The following PHACTR1 variants were observed in gnomAD, a reference collection of about 807,000 sequenced individuals.
PHACTR1 encodes the protein phosphatase and actin regulator 1, also known as RPEL repeat containing 1.
In PHACTR1, 16 loss-of-function variants were observed where a neutral mutation model predicts 69.2. The observed-to-expected ratio is 0.23, with a 90% CI of 0.16 to 0.35. PHACTR1 has a LOEUF of 0.35. PHACTR1 is among the 10% of genes least tolerant of loss of function. The pLI, the probability that PHACTR1 is intolerant of heterozygous loss-of-function variation, is 1.00. For synonymous variants in PHACTR1, 312 were observed against 284.5 expected (o/e 1.10, Z -0.97); for missense variants, 510 against 734.7 (o/e 0.69, Z 3.54).
intron 5 of PHACTR1, among the ~76,000 whole-genome samples, chr6:13,126,331 G>A (rs1261336538): frequency 1.3e-5 from 2 of 152,116 alleles, no homozygotes; most frequent in East Asian, 3.9e-4. Flanking sequence ...AGGAAAGGAA[G>A]GAAGAAAGAA....
intron 5 of PHACTR1, among the ~76,000 whole-genome samples, chr6:13,105,778 G>A (rs1203008972): frequency 3.3e-5 from 5 of 152,226 alleles, no homozygotes; most frequent in East Asian, 1.9e-4. Flanking sequence ...TAAGTAGAGA[G>A]TTTATTTGGG....
intron 4 of PHACTR1, among the ~76,000 whole-genome samples, chr6:12,869,928 T>C (rs1325155490): frequency 6.6e-6 from 1 of 152,208 alleles, no homozygotes; most frequent in Non-Finnish European, 1.5e-5. Context: ...TCAGGCATTG[T>C]CCCTGGTCCT....
chr6:13,065,923 T>C (rs1454710889), intron 5 of PHACTR1, among the ~76,000 whole-genome samples: 6 of 149,560 alleles, frequency 4.0e-5, no homozygotes, highest in Non-Finnish European at 7.4e-5. Context: ...TCCCTTTGGG[T>C]GAATGATTGG....
chr6:12,733,068 A>C (rs1457514059), intron 3 of PHACTR1, among the ~76,000 whole-genome samples: 2 of 152,288 alleles, frequency 1.3e-5, no homozygotes, highest in South Asian at 4.1e-4. Context: ...ACATTTAGAA[A>C]TTTTTATGTT....
At chr6:12,991,578 T>C (rs1796824192) in intron 4 of PHACTR1, among the ~76,000 whole-genome samples, 1 of 152,252 alleles carries the variant, frequency 6.6e-6, no homozygotes, top group Admixed American at 6.5e-5. Context: ...AGTCCTGTCC[T>C]ACATCATTTT....
At chr6:13,081,478 A>T (rs1811364439) in intron 5 of PHACTR1, among the ~76,000 whole-genome samples, 1 of 152,152 alleles carries the variant, frequency 6.6e-6, no homozygotes, top group Admixed American at 6.6e-5. Flanking sequence ...CTTCCGAATC[A>T]CTGCTCCTGG....
intron 4 of PHACTR1, among the ~76,000 whole-genome samples, chr6:12,958,893 G>A (rs1792251406): frequency 6.6e-6 from 1 of 152,152 alleles, no homozygotes; most frequent in African/African-American, 2.4e-5. Context: ...TCTTTAAAGA[G>A]GGGTCGGGCA....
chr6:12,734,615 T>G (rs1170396049), intron 3 of PHACTR1, among the ~76,000 whole-genome samples: 1 of 152,204 alleles, frequency 6.6e-6, no homozygotes, highest in African/African-American at 2.4e-5. Flanking sequence ...CCACATTATT[T>G]TGTTAATATA....
At chr6:13,176,689 C>G (rs923041731) in intron 6 of PHACTR1, among the ~76,000 whole-genome samples, 8 of 152,034 alleles carry the variant, frequency 5.3e-5, no homozygotes, top group Non-Finnish European at 8.8e-5. Context: ...TTTGTTTCTA[C>G]TATTCTATTT....
intron 4 of PHACTR1, among the ~76,000 whole-genome samples, chr6:12,878,378 C>A (rs780117968): frequency 1.3e-5 from 2 of 152,186 alleles, no homozygotes; most frequent in Admixed American, 1.3e-4. Context: ...TTACAATCCC[C>A]AGCTTGGGGC....
intron 4 of PHACTR1, among the ~76,000 whole-genome samples, chr6:13,025,709 G>GTT (rs1001399090): frequency 4.0e-5 from 6 of 151,216 alleles, no homozygotes; most frequent in African/African-American, 7.3e-5. Flanking sequence ...GTGTGTGTGT[G>GTT]TCTGTGTGTA....
chr6:12,808,092 C>T (rs1774564657), intron 4 of PHACTR1, among the ~76,000 whole-genome samples: 1 of 152,106 alleles, frequency 6.6e-6, no homozygotes, highest in African/African-American at 2.4e-5. Context: ...GTAACTTTTC[C>T]ATTATATCTT....
At chr6:12,914,400 C>T (rs999225642) in intron 4 of PHACTR1, among the ~76,000 whole-genome samples, 6 of 152,148 alleles carry the variant, frequency 3.9e-5, no homozygotes, top group Non-Finnish European at 8.8e-5. Context: ...AGTCCTTAAA[C>T]TTGGGGAATC....
chr6:12,725,012 A>G lies in PHACTR1; in HGVS notation c.103+6165A>G, dbSNP rs58240876. Among the ~76,000 whole-genome samples, 983 of 152,226 alleles carry G rather than the reference A, an allele frequency of 6.5e-3. 15 individuals are homozygous for G. The highest frequency in any genetic ancestry group is 0.023 in the African/African-American group (949 of 41,520). On this transcript the variant is annotated intron_variant, in intron 3 of 14. Coordinates refer to ENST00000332995, the MANE Select transcript of PHACTR1 (RefSeq NM_030948.6). Reference sequence around the variant, plus strand: ...TCGTCACTGTTACTTGTCATAATGCACCTTTTCTGTCATCTACATTGTCTT... The same window carrying G: ...TCGTCACTGTTACTTGTCATAATGCGCCTTTTCTGTCATCTACATTGTCTT...
At chr6:13,118,329 G>C (rs183402109) in intron 5 of PHACTR1, among the ~76,000 whole-genome samples, 1 of 152,260 alleles carries the variant, frequency 6.6e-6, no homozygotes, top group East Asian at 1.9e-4. Context: ...AGAAAGGCCA[G>C]AACTGTACTG....
Position 12,935,389 on chromosome 6 carries a change from G to A in PHACTR1, c.251-117976G>A, listed in dbSNP as rs953568258. Reference sequence around the variant, plus strand: ...CTCCCGAGTAGCTGGGATTATAGGCGCCCAACACCACACCCAGCTAATTTT... The same window carrying A: ...CTCCCGAGTAGCTGGGATTATAGGCACCCAACACCACACCCAGCTAATTTT... On this transcript the variant is annotated intron_variant, in intron 4 of 14. Coordinates refer to ENST00000332995, the MANE Select transcript of PHACTR1 (RefSeq NM_030948.6). Among the ~76,000 whole-genome samples the A allele has an allele frequency of 9.9e-5, 15 of 152,020 alleles. No homozygotes were observed. The South Asian group carries it at 1.2e-3, about 13-fold the overall frequency.
intron 4 of PHACTR1, among the ~76,000 whole-genome samples, chr6:12,841,833 T>A (rs1200097253): frequency 6.6e-6 from 1 of 152,190 alleles, no homozygotes; most frequent in Non-Finnish European, 1.5e-5. Context: ...GTTGTGGGAA[T>A]CTTAACCCCT....
At chr6:13,184,631 A>G (rs1033205949) in intron 7 of PHACTR1, among the ~76,000 whole-genome samples, 2 of 151,840 alleles carry the variant, frequency 1.3e-5, no homozygotes, top group African/African-American at 4.8e-5. Context: ...CTCCTGCTTC[A>G]CTGGATTTCT....
At chr6:12,930,119 C>T (rs1275414938) in intron 4 of PHACTR1, among the ~76,000 whole-genome samples, 5 of 151,792 alleles carry the variant, frequency 3.3e-5, no homozygotes, top group Non-Finnish European at 7.4e-5. Flanking sequence ...TCATGACACA[C>T]TGCAGCCTTG....
Sources: allele counts gnomAD v4.1 joint callset (sites outside exome capture counted in the v4.1 genomes callset), GRCh38; gene constraint gnomAD v4.1.1; transcripts MANE v1.5; gene names NCBI Gene and HGNC (gene_info 2026-07-23, HGNC 2026-07-21).